Variants in STK10 observed in about 807,000 individuals in gnomAD.
The protein encoded by STK10 is serine/threonine-protein kinase 10.
STK10 carries 78 observed loss-of-function variants against 113.8 expected under a neutral mutation model. The observed-to-expected ratio is 0.69, with a 90% CI of 0.57 to 0.83. The LOEUF (loss-of-function observed/expected upper bound fraction) is 0.83. STK10 is among the 40% of genes least tolerant of loss of function. The probability of loss-of-function intolerance (pLI) is 0.00; values close to 1 mark genes in which losing one functional copy is unlikely to be tolerated. For missense variants in STK10, 1,109 were observed against 1,280.1 expected (o/e 0.87, Z 2.04); for synonymous variants, 465 against 494.7 (o/e 0.94, Z 0.80).
At chr5:172,073,801 A>G (rs1010376186) in intron 12 of STK10, among the ~76,000 whole-genome samples, 1 of 148,624 alleles carries the variant, frequency 6.7e-6, no homozygotes, top group Non-Finnish European at 1.5e-5. Context: ...AGCAAAAAAA[A>G]AAAAAAAAAA....
At chr5:172,099,523 AAAGG>A (rs1360672809) in intron 7 of STK10, among the ~76,000 whole-genome samples, 1 of 152,196 alleles carries the variant, frequency 6.6e-6, no homozygotes, top group African/African-American at 2.4e-5. Context: ...CCTGGGTGAC[AAAGG>A]GAGACTCTGT....
rs1561819938 is a variant in STK10, at chr5:172,133,438, AG to A, written c.322-6018del. 6.6e-6 allele frequency among the ~76,000 whole-genome samples: 1 copy of A among 152,154 alleles called. No individual in the cohort carries two copies. Among genetic ancestry groups the A allele is most frequent in the Non-Finnish European group, 1.5e-5 (1 of 68,020 alleles). On this transcript the variant is annotated intron_variant, in intron 2 of 18. Coordinates refer to ENST00000176763, the MANE Select transcript of STK10 (RefSeq NM_005990.4). This position sits in a 1 kb window ranked among gnomAD's most constrained non-coding sequence, Gnocchi z 4.9. ...TGTGAAATAGCCATGAGAACTGGGTAGGACTTACTCATCCCCTGCAAGGGAG... is the reference window on the plus strand; with the variant it reads ...TGTGAAATAGCCATGAGAACTGGGTAGACTTACTCATCCCCTGCAAGGGAG...
At chr5:172,137,467 G>C (rs1769887066) in intron 2 of STK10, among the ~76,000 whole-genome samples, 1 of 151,952 alleles carries the variant, frequency 6.6e-6, no homozygotes, top group Non-Finnish European at 1.5e-5. Context: ...AAAACTACGT[G>C]ATCATCTCAG....
At chr5:172,157,571 T>C (rs961788884) in intron 1 of STK10, among the ~76,000 whole-genome samples, 1 of 152,090 alleles carries the variant, frequency 6.6e-6, no homozygotes, top group Non-Finnish European at 1.5e-5. Flanking sequence ...AAAAAACATT[T>C]TTTTAAATCT....
intron 3 of STK10, among the ~76,000 whole-genome samples, chr5:172,124,084 C>T (rs1471630817): frequency 3.3e-5 from 5 of 152,230 alleles, no homozygotes; most frequent in Admixed American, 2.0e-4. Flanking sequence ...AAACCACTAA[C>T]GCCCAGCTAA....
chr5:172,158,684 C>T (rs901598663), intron 1 of STK10, among the ~76,000 whole-genome samples: 2 of 152,106 alleles, frequency 1.3e-5, no homozygotes, highest in Non-Finnish European at 1.5e-5. Flanking sequence ...TATATCCACA[C>T]ACTAAAATAT....
At chr5:172,152,282 T>C (rs1770249426) in intron 2 of STK10, among the ~76,000 whole-genome samples, 1 of 152,202 alleles carries the variant, frequency 6.6e-6, no homozygotes, top group Non-Finnish European at 1.5e-5. Flanking sequence ...CAGGTGGACA[T>C]ATGTGCATTC....
At chr5:172,146,897 C>T (rs1770098434) in intron 2 of STK10, among the ~76,000 whole-genome samples, 1 of 152,228 alleles carries the variant, frequency 6.6e-6, no homozygotes. Flanking sequence ...CGATTCAATT[C>T]CGACACTATC....
At chr5:172,143,460 C>T (rs1177111085) in intron 2 of STK10, among the ~76,000 whole-genome samples, 1 of 152,238 alleles carries the variant, frequency 6.6e-6, no homozygotes, top group Non-Finnish European at 1.5e-5. Flanking sequence ...TGCTCTGGGC[C>T]TGGATCCCCT....
intron 7 of STK10, among the ~76,000 whole-genome samples, chr5:172,102,496 G>C (rs549167812): frequency 9.8e-5 from 15 of 152,302 alleles, no homozygotes; most frequent in African/African-American, 3.4e-4. Flanking sequence ...TGCACGCTGG[G>C]TGCGTGGAGA....
chr5:172,136,368 G>A (rs571334180), intron 2 of STK10, among the ~76,000 whole-genome samples: 8 of 152,294 alleles, frequency 5.3e-5, no homozygotes, highest in Admixed American at 2.6e-4. Flanking sequence ...AGGCCGAGGC[G>A]GGTGGACACG....
At chr5:172,048,995 C>T (rs928777072) in intron 18 of STK10, among the ~76,000 whole-genome samples, 3 of 152,148 alleles carry the variant, frequency 2.0e-5, no homozygotes, top group African/African-American at 4.8e-5. Context: ...GCACGCCTCC[C>T]TCCCTCAGGT....
chr5:172,089,603 T>C (rs1337421054), intron 10 of STK10, among the ~76,000 whole-genome samples: 1 of 151,922 alleles, frequency 6.6e-6, no homozygotes, highest in Non-Finnish European at 1.5e-5. Flanking sequence ...AATGGACGGA[T>C]GGGTGATTGG....
At chr5:172,176,426 A>T (rs1265583598) in intron 1 of STK10, among the ~76,000 whole-genome samples, 2 of 152,020 alleles carry the variant, frequency 1.3e-5, no homozygotes, top group Non-Finnish European at 2.9e-5. Context: ...CTCAGCTCTG[A>T]TTCGGGTTCC....
chr5:172,142,744 T>C (rs1164157866), intron 2 of STK10, among the ~76,000 whole-genome samples: 1 of 152,120 alleles, frequency 6.6e-6, no homozygotes, highest in Non-Finnish European at 1.5e-5. Context: ...CAGCACTAGG[T>C]ATTATTGTAT....
At chr5:172,158,236 A>G (rs1770394091) in intron 1 of STK10, among the ~76,000 whole-genome samples, 1 of 152,130 alleles carries the variant, frequency 6.6e-6, no homozygotes, top group Admixed American at 6.6e-5. Flanking sequence ...AAGGTTAAAC[A>G]TAGACCTATC....
At chr5:172,182,043 G>A (rs1284253162) in intron 1 of STK10, among the ~76,000 whole-genome samples, 4 of 151,822 alleles carry the variant, frequency 2.6e-5, no homozygotes, top group Non-Finnish European at 4.4e-5. Flanking sequence ...GGTGGCTCAC[G>A]CCTGTAATCC....
At chr5:172,098,982 T>A (rs1374011788) in intron 7 of STK10, among the ~76,000 whole-genome samples, 1 of 115,830 alleles carries the variant, frequency 8.6e-6, no homozygotes, top group Non-Finnish European at 1.9e-5. Context: ...CCACCATCAT[T>A]ACCATCACCA....
intron 6 of STK10, 96 bp downstream of exon 6, chr5:172,106,524 C>T (rs2113764229): frequency 7.5e-7 from 1 of 1,338,358 alleles, no homozygotes; most frequent in Non-Finnish European, 1.0e-6. Context: ...ACCAGGAGAA[C>T]GCTACCACTG....
Sources: allele counts gnomAD v4.1 joint callset (sites outside exome capture counted in the v4.1 genomes callset), GRCh38; gene constraint gnomAD v4.1.1; non-coding constraint Gnocchi (gnomAD v3.1); transcripts MANE v1.5; gene names NCBI Gene and HGNC (gene_info 2026-07-23, HGNC 2026-07-21).